CACNA2D3: variants seen among roughly 807,000 people sequenced by gnomAD.
The protein encoded by CACNA2D3 is calcium voltage-gated channel auxiliary subunit alpha2delta 3, also known as voltage-dependent calcium channel subunit alpha-2/delta-3.
Under a neutral mutation model 160.6 loss-of-function variants are expected in CACNA2D3, and 60 were observed. That is an observed-to-expected ratio of 0.37 (90% confidence interval 0.30 to 0.46). CACNA2D3 has a LOEUF of 0.46. Among genes scored for constraint, CACNA2D3 ranks in the 20% least tolerant of loss-of-function variants. CACNA2D3 has a pLI of 1.00. For missense variants in CACNA2D3, 1,205 were observed against 1,365.0 expected (o/e 0.88, Z 1.85); for synonymous variants, 558 against 492.9 (o/e 1.13, Z -1.75).
At chr3:54,475,615 A>T (rs1001808958) in intron 4 of CACNA2D3, among the ~76,000 whole-genome samples, 1 of 152,134 alleles carries the variant, frequency 6.6e-6, no homozygotes, top group African/African-American at 2.4e-5. Flanking sequence ...GTCTCTGCCT[A>T]TAATGCTGTC....
chr3:54,879,222 A>G, intron 19 of CACNA2D3, 128 bp from the exon 20 acceptor site: 2 of 860,084 alleles, frequency 2.3e-6, no homozygotes, highest in Non-Finnish European at 3.6e-6. Context: ...TATCTCAAAC[A>G]AGATTCATGT....
At chr3:54,126,273 G>A (rs537672297) in intron 2 of CACNA2D3, among the ~76,000 whole-genome samples, 4 of 152,200 alleles carry the variant, frequency 2.6e-5, no homozygotes, top group African/African-American at 7.2e-5. Flanking sequence ...ATAATAATTG[G>A]CCATGCATCT....
At position 54,391,573 on chromosome 3, in the gene CACNA2D3, C is replaced by T. The variant is rs1313915698; in HGVS notation, c.381+4799C>T. ...TCACCCAGACCGGAGTGCAGTGGTG[C>T]GATCTCAGCTCACTATAACCTGCGC... is the stretch of plus-strand genomic sequence containing the variant. On this transcript the variant is annotated intron_variant, in intron 4 of 37. Coordinates refer to ENST00000474759, the MANE Select transcript of CACNA2D3 (RefSeq NM_018398.3). Among the ~76,000 whole-genome samples, 9 of 150,620 alleles carry T rather than the reference C, an allele frequency of 6.0e-5. No homozygotes were observed. The East Asian group carries it at 7.8e-4, about 13-fold the overall frequency.
intron 17 of CACNA2D3, among the ~76,000 whole-genome samples, chr3:54,865,964 C>A (rs1297845778): frequency 3.9e-5 from 6 of 152,024 alleles, no homozygotes; most frequent in African/African-American, 1.4e-4. Context: ...TAGCCCCAGA[C>A]CACACAGCAT....
At chr3:54,319,870 T>A (rs1188106304) in intron 2 of CACNA2D3, among the ~76,000 whole-genome samples, 1 of 152,202 alleles carries the variant, frequency 6.6e-6, no homozygotes, top group Non-Finnish European at 1.5e-5. Context: ...GTAGCTGTTT[T>A]TCATTTTGCA....
chr3:54,885,364 T>C (rs1336899948), intron 22 of CACNA2D3, 38 bp downstream of exon 22: 2 of 1,610,952 alleles, frequency 1.2e-6, no homozygotes, highest in East Asian at 4.5e-5. Flanking sequence ...CATGGCATCC[T>C]TCATTGCCCT....
intron 17 of CACNA2D3, among the ~76,000 whole-genome samples, chr3:54,855,160 G>A (rs577503562): frequency 2.2e-4 from 34 of 152,256 alleles, no homozygotes; most frequent in Admixed American, 7.8e-4. Flanking sequence ...TCTGGGCTGC[G>A]ACTCTGGGTC....
At chr3:54,457,249 A>G (rs931026085) in intron 4 of CACNA2D3, among the ~76,000 whole-genome samples, 1 of 151,544 alleles carries the variant, frequency 6.6e-6, no homozygotes, top group Non-Finnish European at 1.5e-5. Context: ...AGGTTTTGGT[A>G]TGTTGTGTTT....
intron 27 of CACNA2D3, among the ~76,000 whole-genome samples, chr3:54,925,591 T>C (rs567893924): frequency 6.6e-6 from 1 of 152,276 alleles, no homozygotes; most frequent in East Asian, 1.9e-4. Context: ...AAAAGAGTGT[T>C]AGAGGATTTC....
intron 2 of CACNA2D3, among the ~76,000 whole-genome samples, chr3:54,203,888 G>T (rs982942335): frequency 4.6e-5 from 7 of 151,898 alleles, no homozygotes; most frequent in African/African-American, 1.7e-4. Context: ...GGGGTATGGC[G>T]GGCTAGGGTC....
At chr3:54,172,871 G>T (rs1017991619) in intron 2 of CACNA2D3, among the ~76,000 whole-genome samples, 1 of 152,114 alleles carries the variant, frequency 6.6e-6, no homozygotes, top group African/African-American at 2.4e-5. Flanking sequence ...CTTCCCTCTA[G>T]CCAGGAAGAC....
intron 11 of CACNA2D3, among the ~76,000 whole-genome samples, chr3:54,709,734 G>A (rs1159444005): frequency 6.6e-6 from 1 of 152,124 alleles, no homozygotes; most frequent in Non-Finnish European, 1.5e-5. Flanking sequence ...AGACCAGCCT[G>A]GGTAGCATAG....
chr3:54,476,343 A>T (rs1265256300), intron 4 of CACNA2D3, among the ~76,000 whole-genome samples: 1 of 151,660 alleles, frequency 6.6e-6, no homozygotes, highest in Non-Finnish European at 1.5e-5. Context: ...TATCTTGGCC[A>T]CTGTGAATAA....
At chr3:54,552,941 A>G (rs922471185) in intron 5 of CACNA2D3, among the ~76,000 whole-genome samples, 6 of 152,226 alleles carry the variant, frequency 3.9e-5, no homozygotes, top group African/African-American at 1.4e-4. Context: ...ATCATTCACC[A>G]GGGAATGAAG....
At chr3:54,149,959 C>G (rs981692392) in intron 2 of CACNA2D3, among the ~76,000 whole-genome samples, 1 of 120,964 alleles carries the variant, frequency 8.3e-6, no homozygotes, top group Non-Finnish European at 1.7e-5. Flanking sequence ...CTCCCTCCCT[C>G]TTCCTCCCCC....
intron 11 of CACNA2D3, among the ~76,000 whole-genome samples, chr3:54,687,144 T>TG (rs1559549496): frequency 1.3e-5 from 1 of 74,498 alleles, no homozygotes; most frequent in African/African-American, 5.8e-5. Flanking sequence ...TGTTTTTTTT[T>TG]TTTTTTGTTT....
At chr3:54,840,791 C>T (rs1299371315) in intron 16 of CACNA2D3, among the ~76,000 whole-genome samples, 1 of 145,074 alleles carries the variant, frequency 6.9e-6, no homozygotes, top group African/African-American at 2.6e-5. Context: ...GGCATGATCT[C>T]AGCTCACCGC....
chr3:54,712,639 G>A (rs546343919), intron 11 of CACNA2D3, among the ~76,000 whole-genome samples: 1 of 152,262 alleles, frequency 6.6e-6, no homozygotes, highest in East Asian at 1.9e-4. Context: ...TCTTTATTTT[G>A]TAAATTGCCC....
intron 3 of CACNA2D3, among the ~76,000 whole-genome samples, chr3:54,324,131 A>T (rs147347664): frequency 3.2e-4 from 49 of 152,334 alleles, no homozygotes; most frequent in African/African-American, 1.1e-3. Flanking sequence ...GGAGTACTAC[A>T]ATAACCTCGT....
Sources: allele counts gnomAD v4.1 joint callset (sites outside exome capture counted in the v4.1 genomes callset), GRCh38; gene constraint gnomAD v4.1.1; transcripts MANE v1.5; gene names NCBI Gene and HGNC (gene_info 2026-07-23, HGNC 2026-07-21).